Variants in SCEL observed in about 807,000 individuals in gnomAD.
SCEL encodes sciellin.
Under a neutral mutation model 117.6 loss-of-function variants are expected in SCEL, and 113 were observed. The observed-to-expected ratio is 0.96, with a 90% CI of 0.83 to 1.12. The LOEUF (loss-of-function observed/expected upper bound fraction) is 1.12, where lower values mean the gene tolerates loss of function less well. Among genes scored for constraint, SCEL ranks in the 50% most tolerant of loss-of-function variants. The pLI is 0.00. For synonymous variants in SCEL, 270 were observed against 256.2 expected, an observed-to-expected ratio of 1.05 and a Z score of -0.51; for missense variants, 785 against 810.8, an observed-to-expected ratio of 0.97 and a Z score of 0.39.
At chr13:77,613,704 C>A (rs558665297) in intron 23 of SCEL, among the ~76,000 whole-genome samples, 189 bp from the exon 24 acceptor site, 1 of 150,538 alleles carries the variant, frequency 6.6e-6, no homozygotes, top group South Asian at 2.1e-4. Flanking sequence ...GGGGTGGGGG[C>A]GGTGGTATTA....
Position 77,559,828 on chromosome 13 carries a change from G to T in SCEL, c.186G>T (p.Val62=). 6.2e-7 allele frequency: 1 copy of T among 1,613,790 alleles called. No individual in the cohort carries two copies. ...EEKDENYGRV[V]LNRHNSHDAL... The stretch of plus-strand genomic sequence containing the variant: ...GAGATGAAAATTACGGTAGGGTGGT[G>T]CTCAACCGACATAATTCCCATGATG... Residue 62 remains valine, a synonymous_variant, in exon 4 of 33, where the codon GTG becomes GTT. Transcript: ENST00000349847.
At chr13:77,540,450 T>C (rs751016964) in intron 1 of SCEL, among the ~76,000 whole-genome samples, 8 of 152,046 alleles carry the variant, frequency 5.3e-5, no homozygotes, top group Non-Finnish European at 8.8e-5. Context: ...TTTGAACACA[T>C]AGTAGGGCTC....
At chr13:77,585,148 A>G (rs774473602) in intron 9 of SCEL, among the ~76,000 whole-genome samples, 6 of 152,248 alleles carry the variant, frequency 3.9e-5, no homozygotes, top group African/African-American at 7.2e-5. Context: ...TTCTTATGCC[A>G]TACACAATCC....
chr13:77,549,241 A>G (rs997280128), intron 1 of SCEL, among the ~76,000 whole-genome samples: 5 of 152,158 alleles, frequency 3.3e-5, no homozygotes, highest in African/African-American at 9.7e-5. Context: ...TGTCTTCTTA[A>G]TAATAGTCAT....
intron 11 of SCEL, among the ~76,000 whole-genome samples, chr13:77,592,562 C>CT (rs10693960): frequency 0.22 from 28,670 of 133,252 alleles, 3,802 homozygotes; most frequent in African/African-American, 0.35. Context: ...CTTCTTCTTC[C>CT]TTTTTTTTTT....
intron 3 of SCEL, among the ~76,000 whole-genome samples, chr13:77,558,029 A>G (rs1475570206): frequency 6.6e-6 from 1 of 152,224 alleles, no homozygotes; most frequent in Non-Finnish European, 1.5e-5. Context: ...ATTGGACAAC[A>G]ATCATTTCCT....
rs190412018 is a variant in SCEL at position 77,609,716 on chromosome 13, C to T, written c.1278-331C>T. 1.1e-3 allele frequency among the ~76,000 whole-genome samples: 162 copies of T among 152,290 alleles called. 3 individuals carry two copies. Among genetic ancestry groups the T allele is most frequent in the Middle Eastern group, 3.4e-3 (1 of 294 alleles). On this transcript the variant is annotated intron_variant, in intron 21 of 32. Transcript: ENST00000349847. The stretch of plus-strand genomic sequence containing the variant: ...TTAAGGTTTCTGTGTCTCAGTTATT[C>T]CCTCTATGAAACTGGAATAATAATA...
At position 77,610,089 on chromosome 13, in the gene SCEL, A is replaced by G. The variant is rs1478131041; in HGVS notation, c.1320A>G (p.Arg440=). ...LDSLIKVTPE[R]NRTNQGNQDL... is the part of the protein sequence containing the mutation. ...GCCTCATTAAAGTGACTCCTGAAAG[A>G]AACAGAACTAACCAAGGGTAAGGTT... Residue 440 remains arginine (R), a synonymous_variant, in exon 22 of 33, where the codon AGA becomes AGG. Coordinates refer to ENST00000349847, the MANE Select transcript of SCEL (RefSeq NM_144777.3). 8 of 1,609,986 alleles carry G rather than the reference A, an allele frequency of 5.0e-6. No individual in the cohort carries two copies. The highest frequency in any genetic ancestry group is 5.9e-6 in the Non-Finnish European group (7 of 1,177,676).
At chr13:77,563,239 A>T (rs2085085890) in intron 4 of SCEL, among the ~76,000 whole-genome samples, 1 of 144,820 alleles carries the variant, frequency 6.9e-6, no homozygotes, top group Non-Finnish European at 1.5e-5. Flanking sequence ...CCTTTCTCTC[A>T]CTTCCCACTT....
intron 1 of SCEL, among the ~76,000 whole-genome samples, chr13:77,536,350 T>G (rs2083421765): frequency 6.6e-6 from 1 of 152,204 alleles, no homozygotes. Context: ...ATGAGGTTTT[T>G]GTCTCCACCC....
chr13:77,620,557 G>A (rs2089352373), intron 27 of SCEL, among the ~76,000 whole-genome samples: 1 of 152,140 alleles, frequency 6.6e-6, no homozygotes, highest in Admixed American at 6.6e-5. Flanking sequence ...GCTTCTTCTA[G>A]GAACAAATAC....
intron 3 of SCEL, among the ~76,000 whole-genome samples, chr13:77,559,058 G>A (rs2084826684): frequency 6.6e-6 from 1 of 152,068 alleles, no homozygotes; most frequent in Admixed American, 6.6e-5. Context: ...ACATATGAAG[G>A]TCGATTGTAG....
In SCEL at chr13:77,559,829, C is replaced by T. The variant is rs368534923; in HGVS notation, c.187C>T (p.Leu63Phe). Reference protein sequence around the residue: ...EKDENYGRVVLNRHNSHDALD... With the variant: ...EKDENYGRVVFNRHNSHDALD... ...AGATGAAAATTACGGTAGGGTGGTGCTCAACCGACATAATTCCCATGATGC... is the reference window on the plus strand; with the variant it reads ...AGATGAAAATTACGGTAGGGTGGTGTTCAACCGACATAATTCCCATGATGC... Residue 63 changes from leucine (L) to phenylalanine (F), a missense_variant, in exon 4 of 33, where the codon CTC becomes TTC. By Grantham distance (22) the Leu-to-Phe change is conservative. Coordinates refer to ENST00000349847, the MANE Select transcript of SCEL (RefSeq NM_144777.3). 3.7e-6 allele frequency: 6 copies of T among 1,613,680 alleles called. No individual in the cohort carries two copies. The African/African-American group carries it at 6.7e-5, about 18-fold the overall frequency.
At position 77,642,743 on chromosome 13, in the gene SCEL, C is replaced by T. The variant is rs1368686854; in HGVS notation, c.1985C>T (p.Ala662Val). 5.6e-6 allele frequency: 9 copies of T among 1,603,120 alleles called. No homozygotes were observed. The highest frequency in any genetic ancestry group is 1.3e-5 in the African/African-American group (1 of 74,486). The change falls in exon 32 of 33, where the codon GCG becomes GTG. Residue 662 changes from alanine to valine, a missense_variant. By Grantham distance (64) the Ala-to-Val change is moderately conservative. Transcript: ENST00000349847. ...AAGCAGCCTTTGGAAAATCTACAAG[C>T]GGGTGATAGTATTTGGATTTATAGA... Reference protein sequence around the residue: ...ICKQPLENLQAGDSIWIYRQT... With the variant: ...ICKQPLENLQVGDSIWIYRQT...
rs548618080 is a variant in SCEL, at chr13:77,602,786, A to G, written c.1037+73A>G. The G allele has an allele frequency of 1.6e-5, 21 of 1,335,278 alleles. No individual in the cohort carries two copies. The South Asian group carries it at 2.5e-4, about 16-fold the overall frequency. The allele number at this position is 1,335,278 out of a possible 1,614,324, so 82.7% of individuals were successfully genotyped here. On this transcript the variant is annotated intron_variant, in intron 17 of 32. Coordinates refer to ENST00000349847, the MANE Select transcript of SCEL (RefSeq NM_144777.3). ...TTAATTATGTGATATTGAGGGCACCACATCTTTGTTTGGCTTCTCTCTTCT... is the reference window on the plus strand; with the variant it reads ...TTAATTATGTGATATTGAGGGCACCGCATCTTTGTTTGGCTTCTCTCTTCT...
At chr13:77,602,190 A>C (rs755038940) in intron 16 of SCEL, 66 bp downstream of exon 16, 9 of 1,322,048 alleles carry the variant, frequency 6.8e-6, no homozygotes, top group Non-Finnish European at 9.6e-6. Flanking sequence ...CTCATTAGGA[A>C]TGGGAGTGTT....
Position 77,609,042 on chromosome 13 carries a change from G to GT in SCEL, c.1218-9dup, listed in dbSNP as rs768306959. On this transcript the variant is annotated splice_polypyrimidine_tract_variant and intron_variant, in intron 20 of 32. Coordinates refer to ENST00000349847, the MANE Select transcript of SCEL (RefSeq NM_144777.3). The stretch of plus-strand genomic sequence containing the variant: ...TCCATTTTTATTTATGATGTTTTTT[G>GT]TTTTTTTGTTTGAAGTTCCAAAGAC... 4 of 1,559,870 alleles carry GT rather than the reference G, an allele frequency of 2.6e-6. No individual in the cohort carries two copies. Among genetic ancestry groups the GT allele is most frequent in the Admixed American group, 2.0e-5 (1 of 49,840 alleles).
At chr13:77,578,801 C>T (rs763627854) in intron 9 of SCEL, among the ~76,000 whole-genome samples, 3 of 152,010 alleles carry the variant, frequency 2.0e-5, no homozygotes, top group Non-Finnish European at 4.4e-5. Context: ...TCTGGGACAC[C>T]GGCAGGATAT....
Position 77,644,346 on chromosome 13 carries a change from A to C in SCEL, c.*72A>C. On this transcript the variant is annotated 3_prime_UTR_variant, in exon 33 of 33. Transcript: ENST00000349847. ...AAGTTACAAGTTTTATCTTAATAAT[A>C]TGTAATCTAGAAAAGCTTTCACATT... 2 of 1,461,724 alleles carry C rather than the reference A, an allele frequency of 1.4e-6. No homozygotes were observed. The highest frequency in any genetic ancestry group is 1.9e-6 in the Non-Finnish European group (2 of 1,050,408). The allele number at this position is 1,461,724 out of a possible 1,614,324, so 90.5% of individuals were successfully genotyped here.
Sources: allele counts gnomAD v4.1 joint callset (sites outside exome capture counted in the v4.1 genomes callset), GRCh38; gene constraint gnomAD v4.1.1; transcripts MANE v1.5; gene names NCBI Gene and HGNC (gene_info 2026-07-23, HGNC 2026-07-21).